The following ADAM12 variants were observed in gnomAD, a reference collection of about 807,000 sequenced individuals.
ADAM12 encodes the protein ADAM metallopeptidase domain 12, also known as disintegrin and metalloproteinase domain-containing protein 12.
A neutral mutation model predicts 106.4 loss-of-function variants in ADAM12; 70 were observed. That is an observed-to-expected ratio of 0.66 (90% confidence interval 0.54 to 0.80). The LOEUF (loss-of-function observed/expected upper bound fraction) is 0.80, where lower values mean the gene tolerates loss of function less well. ADAM12 is among the 30% of genes least tolerant of loss of function. The pLI is 0.00. For missense variants in ADAM12, 1,010 were observed against 1,171.9 expected (o/e 0.86, Z 2.02); for synonymous variants, 420 against 433.5 (o/e 0.97, Z 0.39).
chr10:126,051,549 CCATCCATCCATCCAT>C (rs1954493649), intron 14 of ADAM12, among the ~76,000 whole-genome samples: 2 of 66,758 alleles, frequency 3.0e-5, no homozygotes, highest in African/African-American at 2.2e-4. Flanking sequence ...ATCCATCCAT[CCATCCATCCATCCAT>C]CCATCCATCC....
chr10:126,273,597 C>T (rs1247896899), intron 3 of ADAM12, among the ~76,000 whole-genome samples: 4 of 152,170 alleles, frequency 2.6e-5, no homozygotes, highest in African/African-American at 9.7e-5. Flanking sequence ...AAGAACCCTA[C>T]AGCAGCTGGA....
At chr10:126,213,426 T>G (rs1957935923) in intron 3 of ADAM12, among the ~76,000 whole-genome samples, 1 of 152,222 alleles carries the variant, frequency 6.6e-6, no homozygotes, top group Non-Finnish European at 1.5e-5. Context: ...GAACAATTTT[T>G]AATTGAGTGT....
intron 3 of ADAM12, among the ~76,000 whole-genome samples, chr10:126,178,385 C>G (rs1315408350): frequency 1.4e-5 from 2 of 147,052 alleles, no homozygotes; most frequent in Non-Finnish European, 3.0e-5. Context: ...TTTTGGCTTA[C>G]CTTAGTCCTC....
chr10:126,153,487 T>C (rs901090827), intron 4 of ADAM12, among the ~76,000 whole-genome samples: 1 of 152,208 alleles, frequency 6.6e-6, no homozygotes, highest in Non-Finnish European at 1.5e-5. Flanking sequence ...AAACACGGCT[T>C]GTTTCCTGTG....
At chr10:126,331,558 C>T (rs913914426) in intron 1 of ADAM12, among the ~76,000 whole-genome samples, 7 of 152,188 alleles carry the variant, frequency 4.6e-5, no homozygotes, top group Non-Finnish European at 1.0e-4. Flanking sequence ...ATTACTACTC[C>T]CGTAGTCACT....
intron 21 of ADAM12, among the ~76,000 whole-genome samples, chr10:126,033,785 A>T (rs1954010633): frequency 6.6e-6 from 1 of 152,164 alleles, no homozygotes; most frequent in South Asian, 2.1e-4. Flanking sequence ...ATTTCTCATC[A>T]CCATGGAGTC....
chr10:126,042,393 A>T (rs1196739071), intron 18 of ADAM12, among the ~76,000 whole-genome samples: 2 of 140,262 alleles, frequency 1.4e-5, no homozygotes, highest in African/African-American at 5.3e-5. Context: ...TTCTTGGGGG[A>T]CAGGCAGACC....
chr10:126,176,631 T>C (rs1957224588), intron 3 of ADAM12, among the ~76,000 whole-genome samples: 1 of 152,246 alleles, frequency 6.6e-6, no homozygotes, highest in Admixed American at 6.5e-5. Context: ...AATACAATTC[T>C]TTTGTTTCAG....
At chr10:126,283,936 G>A (rs1022752900) in intron 2 of ADAM12, among the ~76,000 whole-genome samples, 2 of 152,184 alleles carry the variant, frequency 1.3e-5, no homozygotes, top group African/African-American at 4.8e-5. Context: ...TCACATTTAA[G>A]TCCCATCCAG....
intron 3 of ADAM12, among the ~76,000 whole-genome samples, chr10:126,259,635 A>G (rs753138865): frequency 4.0e-4 from 61 of 152,314 alleles, no homozygotes; most frequent in Admixed American, 1.7e-3. Flanking sequence ...TTTGTTCTCT[A>G]CTACAAACGC....
chr10:126,071,470 T>A lies in ADAM12; in HGVS notation c.1323+7A>T. 1 of 1,613,596 alleles carries A rather than the reference T, an allele frequency of 6.2e-7. No homozygotes were observed. The highest frequency in any genetic ancestry group is 8.5e-7 in the Non-Finnish European group (1 of 1,179,778). On this transcript the variant is annotated splice_region_variant and intron_variant, in intron 12 of 22. Coordinates refer to ENST00000448723, the MANE Select transcript of ADAM12 (RefSeq NM_001288973.2). ...TCTTGTATCCTTGTTCTGGGAATGG[T>A]TCTTACCTCTGGCTCCCCACAGTCA...
chr10:126,083,538 G>A (rs1814927621), intron 11 of ADAM12, among the ~76,000 whole-genome samples: 1 of 151,890 alleles, frequency 6.6e-6, no homozygotes, highest in Admixed American at 6.5e-5. Flanking sequence ...GAACACCCAA[G>A]GTTCTACACT....
At chr10:126,060,782 C>T (rs941634023) in intron 14 of ADAM12, among the ~76,000 whole-genome samples, 8 of 152,326 alleles carry the variant, frequency 5.3e-5, no homozygotes, top group Admixed American at 5.2e-4. Context: ...TTCACATCCG[C>T]CCTCCCCTCC....
intron 2 of ADAM12, among the ~76,000 whole-genome samples, chr10:126,309,508 T>A (rs1960989008): frequency 6.6e-6 from 1 of 152,236 alleles, no homozygotes; most frequent in African/African-American, 2.4e-5. Context: ...AGTTGATTTA[T>A]TAAGTAATTC....
At chr10:126,189,153 G>A (rs982122282) in intron 3 of ADAM12, among the ~76,000 whole-genome samples, 1 of 152,204 alleles carries the variant, frequency 6.6e-6, no homozygotes, top group Non-Finnish European at 1.5e-5. Flanking sequence ...AAGGAATGAA[G>A]GAAGGTCCCA....
intron 3 of ADAM12, among the ~76,000 whole-genome samples, chr10:126,200,053 C>G (rs1957670019): frequency 6.6e-6 from 1 of 152,118 alleles, no homozygotes; most frequent in African/African-American, 2.4e-5. Context: ...AGACAATTAC[C>G]ACCTACGAGA....
At chr10:126,093,728 G>A (rs1955506558) in intron 11 of ADAM12, among the ~76,000 whole-genome samples, 1 of 152,222 alleles carries the variant, frequency 6.6e-6, no homozygotes, top group Non-Finnish European at 1.5e-5. Flanking sequence ...TCTAAACACA[G>A]ACAGCATCCA....
intron 5 of ADAM12, among the ~76,000 whole-genome samples, chr10:126,128,172 C>T (rs768285721): frequency 2.0e-5 from 3 of 151,986 alleles, no homozygotes; most frequent in Non-Finnish European, 4.4e-5. Context: ...GAGACCTGCT[C>T]GTGGCTTGTG....
At chr10:126,108,075 C>T (rs938646387) in intron 8 of ADAM12, among the ~76,000 whole-genome samples, 29 of 152,118 alleles carry the variant, frequency 1.9e-4, no homozygotes, top group Non-Finnish European at 3.4e-4. Context: ...TTGTTCTTGG[C>T]GAGGGATTTT....
Sources: gnomAD v4.1 joint callset for allele counts (sites outside exome capture counted in the v4.1 genomes callset) on GRCh38, gnomAD v4.1.1 for gene constraint, MANE v1.5 for transcripts, NCBI Gene and HGNC (gene_info 2026-07-23, HGNC 2026-07-21) for gene names.